The following CHRM1 variants were observed in gnomAD, a reference collection of about 807,000 sequenced individuals.
CHRM1 encodes the protein muscarinic acetylcholine receptor M1.
CHRM1 carries 5 observed loss-of-function variants against 31.6 expected under a neutral mutation model. That is an observed-to-expected ratio of 0.16 (90% CI 0.08 to 0.33). CHRM1 has a LOEUF of 0.33. Ranked by LOEUF, CHRM1 falls within the 10% of genes least tolerant of loss-of-function variation. The probability of loss-of-function intolerance (pLI) is 1.00; values close to 1 mark genes in which losing one functional copy is unlikely to be tolerated. For missense variants in CHRM1, 338 were observed against 610.3 expected, an observed-to-expected ratio of 0.55 and a Z score of 4.70; for synonymous variants, 227 against 249.7, an observed-to-expected ratio of 0.91 and a Z score of 0.86.
At position 62,910,114 on chromosome 11, in the gene CHRM1, C is replaced by T. The variant is rs374702405; in HGVS notation, c.987G>A (p.Pro329=). Residue 329 remains proline, a synonymous_variant, in exon 2 of 2, where the codon CCG becomes CCA. Coordinates refer to ENST00000306960, the MANE Select transcript of CHRM1 (RefSeq NM_000738.3). The surrounding 1 kb of genome is among the most constrained non-coding windows in gnomAD (Gnocchi z 8.7). The stretch of plus-strand genomic sequence containing the variant: ...CAGCTCGATCACGCCCTTTCTTAGT[C>T]GGCCTCTTGACTGTATTTGGGGAGC... ...PRSSPNTVKR[P]TKKGRDRAGK... is the part of the protein sequence containing the mutation. The T allele has an allele frequency of 1.2e-5, 20 of 1,610,908 alleles. No individual in the cohort carries two copies. Among genetic ancestry groups the T allele is most frequent in the East Asian group, 4.5e-5 (2 of 44,868 alleles).
At chr11:62,921,522 G>C (rs2085933829), upstream of CHRM1, 1 of 152,504 alleles carries the variant, frequency 6.6e-6, no homozygotes, top group Admixed American at 6.5e-5. Context: ...CTTCACCAGG[G>C]CACCCAATTT....
chr11:62,916,571 A>G (rs2085901453), intron 1 of CHRM1, among the ~76,000 whole-genome samples: 1 of 152,106 alleles, frequency 6.6e-6, no homozygotes, highest in Non-Finnish European at 1.5e-5. Flanking sequence ...TTCCTTCCAA[A>G]TCTCCCATTT....
At chr11:62,919,934 C>A (rs2085923500) in intron 1 of CHRM1, among the ~76,000 whole-genome samples, 1 of 152,220 alleles carries the variant, frequency 6.6e-6, no homozygotes, top group Admixed American at 6.5e-5. Flanking sequence ...CTCTGGTTAG[C>A]CCCTTCTTGA....
intron 1 of CHRM1, among the ~76,000 whole-genome samples, chr11:62,912,329 C>T (rs1406353080): frequency 7.1e-6 from 1 of 141,662 alleles, no homozygotes; most frequent in Non-Finnish European, 1.5e-5. Flanking sequence ...GACTGTGCCA[C>T]TGCACTCCAG....
chr11:62,916,771 G>C (rs1590652025), intron 1 of CHRM1: 1 of 152,336 alleles, frequency 6.6e-6, no homozygotes, highest in East Asian at 1.9e-4. Flanking sequence ...CAGTGGTGGA[G>C]GTGGGATTCT....
chr11:62,909,853 C>T lies in CHRM1; in HGVS notation c.1248G>A (p.Met416Ile), dbSNP rs2085858639. ...AGGCTTTGTTGCAGAGTGCGTAGCA[C>T]ATGGGGTTGATGGTGCTGTTGACGT... ...LCYVNSTINP[M>I]CYALCNKAFR... Residue 416 changes from methionine to isoleucine, a missense_variant, in exon 2 of 2, where the codon ATG (methionine) becomes ATA (isoleucine). Met to Ile is a conservative substitution (Grantham distance 10). This residue lies in a region of CHRM1 where 68 missense variants were observed against 108.5 expected (regional missense o/e 0.63). Transcript: ENST00000306960. The T allele has an allele frequency of 2.5e-6, 4 of 1,614,226 alleles. No homozygotes were observed. Among genetic ancestry groups the T allele is most frequent in the Non-Finnish European group, 2.5e-6 (3 of 1,180,036 alleles).
rs189481818 is a variant in CHRM1 at position 62,910,290 on chromosome 11, C to T, written c.811G>A (p.Ala271Thr). The change falls in exon 2 of 2, where the codon GCC becomes ACC. Residue 271 changes from alanine (A) to threonine (T), a missense_variant. Around this residue, in one of 4 missense-constraint regions of CHRM1, gnomAD observed 183 missense variants for 223.4 expected, o/e 0.82. Coordinates refer to ENST00000306960, the MANE Select transcript of CHRM1 (RefSeq NM_000738.3). This position sits in a 1 kb window ranked among gnomAD's most constrained non-coding sequence, Gnocchi z 8.7. ...RCCRAPRLLQAYSWKEEEEED... is the reference protein window; with the variant it reads ...RCCRAPRLLQTYSWKEEEEED... ...TCCTCTTCTTCCTTCCAGCTGTAGG[C>T]CTGCAGCAGCCTGGGGGCCCGGCAG... 1.4e-5 allele frequency: 22 copies of T among 1,612,830 alleles called. No homozygotes were observed. In the East Asian group the frequency reaches 4.9e-4, roughly 36 times the overall value.
chr11:62,917,435 CA>C (rs2085906434), intron 1 of CHRM1, among the ~76,000 whole-genome samples: 1 of 152,208 alleles, frequency 6.6e-6, no homozygotes, highest in Non-Finnish European at 1.5e-5. Flanking sequence ...CAGTGGGCAG[CA>C]GGAAGACCCC....
intron 1 of CHRM1, among the ~76,000 whole-genome samples, chr11:62,920,298 C>T (rs1159627294): frequency 6.6e-6 from 1 of 152,192 alleles, no homozygotes; most frequent in Admixed American, 6.5e-5. Context: ...CTCTGATAAC[C>T]TCTAAGCTGC....
chr11:62,912,961 T>C (rs1268567099), intron 1 of CHRM1, among the ~76,000 whole-genome samples: 3 of 152,190 alleles, frequency 2.0e-5, no homozygotes, highest in Admixed American at 6.5e-5. Flanking sequence ...GGCATCTCCA[T>C]GGTTTGCCGT....
rs1305466595 is a variant in CHRM1, at chr11:62,908,775, G to C, written c.*943C>G. ...CCAGGCTGGGCCTGGAGATCCGGGT[G>C]GCTGGGAGGCCATGCATGGGTTGGA... is the stretch of plus-strand genomic sequence containing the variant. On this transcript the variant is annotated 3_prime_UTR_variant, in exon 2 of 2. Coordinates refer to ENST00000306960, the MANE Select transcript of CHRM1 (RefSeq NM_000738.3). 1 of 153,014 alleles carries C rather than the reference G, an allele frequency of 6.5e-6. No individual in the cohort carries two copies. The highest frequency in any genetic ancestry group is 1.5e-5 in the Non-Finnish European group (1 of 68,326). 9.5% of individuals were successfully genotyped at this position (153,014 alleles called of 1,614,324 possible). A position where few individuals can be genotyped will look rare whatever the true frequency, so the allele number is the denominator to read the frequency against.
chr11:62,916,079 G>A (rs930360443), intron 1 of CHRM1, among the ~76,000 whole-genome samples: 3 of 152,104 alleles, frequency 2.0e-5, no homozygotes, highest in Non-Finnish European at 4.4e-5. Context: ...CAAAGTACTG[G>A]GATTATAGGC....
At chr11:62,917,212 T>G (rs1024531159) in intron 1 of CHRM1, among the ~76,000 whole-genome samples, 2 of 152,172 alleles carry the variant, frequency 1.3e-5, no homozygotes, top group Admixed American at 1.3e-4. Context: ...TGGTTTCCCA[T>G]GATTGTGGCA....
intron 1 of CHRM1, chr11:62,920,882 T>G (rs1485820866): frequency 1.3e-5 from 2 of 152,046 alleles, no homozygotes; most frequent in Non-Finnish European, 2.9e-5. Flanking sequence ...ACTCTGCCCC[T>G]AGGGTGTTGG....
chr11:62,910,105 T>G lies in CHRM1; in HGVS notation c.996A>C (p.Lys332Asn), dbSNP rs1490305836. ...SPNTVKRPTK[K>N]GRDRAGKGQK... ...GGCCCTTGCCAGCTCGATCACGCCC[T>G]TTCTTAGTCGGCCTCTTGACTGTAT... Residue 332 changes from lysine to asparagine, a missense_variant, in exon 2 of 2, where the codon AAA becomes AAC. Lys to Asn is a moderately conservative substitution (Grantham distance 94). This residue lies in a region of CHRM1 where 183 missense variants were observed against 223.4 expected (regional missense o/e 0.82). Coordinates refer to ENST00000306960, the MANE Select transcript of CHRM1 (RefSeq NM_000738.3). This position sits in a 1 kb window ranked among gnomAD's most constrained non-coding sequence, Gnocchi z 8.7. The G allele has an allele frequency of 1.2e-6, 2 of 1,611,852 alleles. No individual in the cohort carries two copies. The highest frequency in any genetic ancestry group is 1.7e-6 in the Non-Finnish European group (2 of 1,179,340).
At chr11:62,913,520 A>G (rs527796854) in intron 1 of CHRM1, among the ~76,000 whole-genome samples, 1 of 152,198 alleles carries the variant, frequency 6.6e-6, no homozygotes, top group South Asian at 2.1e-4. Flanking sequence ...AAAAATACAA[A>G]ATTAGCCAGG....
In CHRM1 at chr11:62,911,154, G is replaced by A; in HGVS notation, c.-54C>T. On this transcript the variant is annotated 5_prime_UTR_variant, in exon 2 of 2. Coordinates refer to ENST00000306960, the MANE Select transcript of CHRM1 (RefSeq NM_000738.3). Reference sequence around the variant, plus strand: ...GCCCCTTCCTCCAGGCACGCTACAGGGCTTCCTCAGGGGAAAGTCATCACC... The same window carrying A: ...GCCCCTTCCTCCAGGCACGCTACAGAGCTTCCTCAGGGGAAAGTCATCACC... 6.5e-7 allele frequency: 1 copy of A among 1,542,328 alleles called. No homozygotes were observed. Among genetic ancestry groups the A allele is most frequent in the Non-Finnish European group, 8.8e-7 (1 of 1,133,230 alleles).
chr11:62,914,184 T>C (rs1262199804), intron 1 of CHRM1, among the ~76,000 whole-genome samples: 1 of 152,162 alleles, frequency 6.6e-6, no homozygotes, highest in Non-Finnish European at 1.5e-5. Context: ...GACCTTGTGA[T>C]CTGCCTGCCT....
chr11:62,917,143 A>T (rs1248980060), intron 1 of CHRM1, among the ~76,000 whole-genome samples: 1 of 152,204 alleles, frequency 6.6e-6, no homozygotes, highest in Non-Finnish European at 1.5e-5. Flanking sequence ...GATGTGGGGC[A>T]GTCTTCTACC....
Sources: allele counts gnomAD v4.1 joint callset (sites outside exome capture counted in the v4.1 genomes callset), GRCh38; gene constraint gnomAD v4.1.1; regional missense constraint gnomAD v4.1.1; non-coding constraint Gnocchi (gnomAD v3.1); transcripts MANE v1.5; gene names NCBI Gene and HGNC (gene_info 2026-07-23, HGNC 2026-07-21).